The following ZNF74 variants were observed in gnomAD, a reference collection of about 807,000 sequenced individuals.
ZNF74 encodes the protein zinc finger protein 520.
ZNF74 carries 12 observed loss-of-function variants against 17.7 expected under a neutral mutation model. That is an observed-to-expected ratio of 0.68 (90% CI 0.43 to 1.10). The LOEUF (loss-of-function observed/expected upper bound fraction) is 1.10, where lower values mean the gene tolerates loss of function less well. Among genes scored for constraint, ZNF74 ranks in the 50% least tolerant of loss-of-function variants. The pLI, the probability that ZNF74 is intolerant of heterozygous loss-of-function variation, is 0.00. For missense variants in ZNF74, 811 were observed against 881.0 expected, an observed-to-expected ratio of 0.92 and a Z score of 1.01; for synonymous variants, 358 against 362.1, an observed-to-expected ratio of 0.99 and a Z score of 0.13.
chr22:20,394,278 G>A lies in ZNF74; in HGVS notation c.-351G>A, dbSNP rs2052264707. 1 of 706,370 alleles carries A rather than the reference G, an allele frequency of 1.4e-6. No homozygotes were observed. Among genetic ancestry groups the A allele is most frequent in the Non-Finnish European group, 2.6e-6 (1 of 381,638 alleles). 43.8% of individuals were successfully genotyped at this position (706,370 alleles called of 1,614,324 possible). A position where few individuals can be genotyped will look rare whatever the true frequency, so the allele number is the denominator to read the frequency against. On this transcript the variant is annotated 5_prime_UTR_variant, in exon 1 of 5. Coordinates refer to ENST00000400451, the MANE Select transcript of ZNF74 (RefSeq NM_003426.4). ...TCGGGACCTGTCCGCTGGTCGCTCC[G>A]CGTCCGATGGCTCCTGGCCGCGGAA...
chr22:20,395,153 A>G (rs1569090297), intron 1 of ZNF74, 180 bp from the exon 2 acceptor site: 2 of 566,518 alleles, frequency 3.5e-6, no homozygotes, highest in Non-Finnish European at 6.4e-6. Flanking sequence ...TGTCTGAGAC[A>G]CAGGCAGATT....
At chr22:20,398,119 G>T (rs2052315798) in intron 2 of ZNF74, among the ~76,000 whole-genome samples, 1 of 152,128 alleles carries the variant, frequency 6.6e-6, no homozygotes, top group Non-Finnish European at 1.5e-5. Context: ...AGGAGTTCAA[G>T]ACCAGCCGGC....
At chr22:20,400,916 G>A (rs1212145572) in intron 3 of ZNF74, 158 bp downstream of exon 3, 20 of 865,354 alleles carry the variant, frequency 2.3e-5, no homozygotes, top group African/African-American at 3.4e-5. Context: ...CAGGGGCCTC[G>A]GCCACGCCAG....
rs2052358435 is a variant in ZNF74 at position 20,401,620 on chromosome 22, G to A, written c.343+248G>A. 6.6e-6 allele frequency among the ~76,000 whole-genome samples: 1 copy of A among 152,196 alleles called. No homozygotes were observed. The highest frequency in any genetic ancestry group is 6.6e-5 in the Admixed American group (1 of 15,264). ...CAAATGGTCACCTGCTGATGGGGAT[G>A]GGGAGGCAGGAATAGAAATATTGAG... On this transcript the variant is annotated intron_variant, in intron 4 of 4. Transcript: ENST00000400451. The surrounding 1 kb of genome is among the most constrained non-coding windows in gnomAD (Gnocchi z 4.2).
chr22:20,400,182 A>G (rs180949661), intron 2 of ZNF74: 40 of 176,442 alleles, frequency 2.3e-4, no homozygotes, highest in African/African-American at 8.9e-4. Context: ...GTGTAATAAC[A>G]GTTTCTAGTC....
At position 20,405,497 on chromosome 22, in the gene ZNF74, C is replaced by G. The variant is rs200537789; in HGVS notation, c.464C>G (p.Ala155Gly). The G allele has an allele frequency of 1.2e-4, 193 of 1,607,214 alleles. 1 individual carries two copies. The South Asian group carries it at 2.0e-3, about 16-fold the overall frequency. ...GAQAWGRQAG[A>G]LQRSQAAPWA... ...CAGGCGTGGGGGCGCCAGGCAGGTG[C>G]TCTGCAGAGGAGTCAGGCTGCGCCC... Residue 155 changes from alanine (A) to glycine (G), a missense_variant, in exon 5 of 5, where the codon GCT becomes GGT. By Grantham distance (60) the Ala-to-Gly change is moderately conservative. This residue lies in a region of ZNF74 where 666 missense variants were observed against 702.3 expected (regional missense o/e 0.95). Transcript: ENST00000400451.
chr22:20,401,450 C>T lies in ZNF74; in HGVS notation c.343+78C>T. 1.0e-6 allele frequency: 1 copy of T among 971,598 alleles called. No homozygotes were observed. Among genetic ancestry groups the T allele is most frequent in the Non-Finnish European group, 1.6e-6 (1 of 635,880 alleles). 60.2% of individuals were successfully genotyped at this position (971,598 alleles called of 1,614,324 possible). On this transcript the variant is annotated intron_variant, in intron 4 of 4. Transcript: ENST00000400451. This position sits in a 1 kb window ranked among gnomAD's most constrained non-coding sequence, Gnocchi z 4.2. ...CTCCTCCTATGGCCCCTATTTTCCTCCCTCAGTTTGCCCCGGCTCCATCTC... is the reference window on the plus strand; with the variant it reads ...CTCCTCCTATGGCCCCTATTTTCCTTCCTCAGTTTGCCCCGGCTCCATCTC...
At chr22:20,395,055 C>T in intron 1 of ZNF74, 1 of 454,720 alleles carries the variant, frequency 2.2e-6, no homozygotes, top group Non-Finnish European at 3.9e-6. Flanking sequence ...TCCTGGCCTC[C>T]TGCTTCTTTC....
intron 2 of ZNF74, among the ~76,000 whole-genome samples, chr22:20,396,441 A>G (rs925817893): frequency 4.6e-5 from 7 of 152,260 alleles, no homozygotes; most frequent in African/African-American, 1.7e-4. Context: ...TATTGTATCA[A>G]TATGAAATTT....
In ZNF74 at chr22:20,401,337, G is replaced by T. The variant is rs1187378610; in HGVS notation, c.308G>T (p.Ser103Ile). The T allele has an allele frequency of 6.2e-6, 10 of 1,610,688 alleles. No homozygotes were observed. Among genetic ancestry groups the T allele is most frequent in the Non-Finnish European group, 7.6e-6 (9 of 1,178,534 alleles). The change falls in exon 4 of 5, where the codon AGC (serine) becomes ATC (isoleucine). Residue 103 changes from serine (S) to isoleucine (I), a missense_variant. This residue lies in a region of ZNF74 where 666 missense variants were observed against 702.3 expected (regional missense o/e 0.95). Coordinates refer to ENST00000400451, the MANE Select transcript of ZNF74 (RefSeq NM_003426.4). This position sits in a 1 kb window ranked among gnomAD's most constrained non-coding sequence, Gnocchi z 4.2. The stretch of plus-strand genomic sequence containing the variant: ...CTGGAACGAGGCGAGGAGCCATGGA[G>T]CATGCAGAGGGAAGTCCCCAGAGGG... ...SHLERGEEPW[S>I]MQREVPRGPC... is the part of the protein sequence containing the mutation.
chr22:20,400,862 T>C, intron 3 of ZNF74, 104 bp downstream of exon 3: 1 of 1,400,068 alleles, frequency 7.1e-7, no homozygotes, highest in Non-Finnish European at 9.8e-7. Context: ...GCCAGATATA[T>C]CATGGGGTGG....
At chr22:20,398,309 C>A in intron 2 of ZNF74, among the ~76,000 whole-genome samples, 1 of 129,920 alleles carries the variant, frequency 7.7e-6, no homozygotes, top group African/African-American at 3.0e-5. Flanking sequence ...AGAGTGAGAC[C>A]ATGTCTCAAA....
chr22:20,402,017 C>T (rs1293703749), intron 4 of ZNF74, among the ~76,000 whole-genome samples: 1 of 152,192 alleles, frequency 6.6e-6, no homozygotes, highest in Non-Finnish European at 1.5e-5. Flanking sequence ...TGCTTTTCTT[C>T]TCCAACATTC....
rs764525878 is a variant in ZNF74 at position 20,405,847 on chromosome 22, C to A, written c.814C>A (p.Arg272=). Residue 272 remains arginine, a synonymous_variant, in exon 5 of 5, where the codon CGG becomes AGG. Coordinates refer to ENST00000400451, the MANE Select transcript of ZNF74 (RefSeq NM_003426.4). ...SLTLHRRWHS[R]EKAYKCDECG... is the part of the protein sequence containing the mutation. ...CACGCTGCACCGGCGCTGGCACAGC[C>A]GGGAGAAGGCTTACAAGTGCGATGA... 6.2e-7 allele frequency: 1 copy of A among 1,613,094 alleles called. No individual in the cohort carries two copies. The highest frequency in any genetic ancestry group is 1.1e-5 in the South Asian group (1 of 91,056).
intron 1 of ZNF74, 97 bp downstream of exon 1, chr22:20,394,759 A>AACT: frequency 8.5e-7 from 1 of 1,178,024 alleles, no homozygotes; most frequent in Non-Finnish European, 1.2e-6. Flanking sequence ...AGCATCCAGC[A>AACT]TCTTTTTTTT....
chr22:20,399,559 G>A (rs1218912679), intron 2 of ZNF74: 1 of 396,944 alleles, frequency 2.5e-6, no homozygotes, highest in Admixed American at 3.3e-5. Flanking sequence ...AATATGGTTG[G>A]ATTTACATGT....
At chr22:20,403,770 G>A (rs570218095) in intron 4 of ZNF74, among the ~76,000 whole-genome samples, 8 of 151,338 alleles carry the variant, frequency 5.3e-5, no homozygotes, top group Non-Finnish European at 7.4e-5. Context: ...CTGTGTCCCC[G>A]CCCTCTGCTT....
chr22:20,399,163 T>A (rs1339898913), intron 2 of ZNF74, among the ~76,000 whole-genome samples: 2 of 152,218 alleles, frequency 1.3e-5, no homozygotes, highest in South Asian at 2.1e-4. Context: ...TAGAGTGTTA[T>A]GTAAATATCA....
At chr22:20,403,831 A>G (rs1243263924) in intron 4 of ZNF74, among the ~76,000 whole-genome samples, 1 of 150,506 alleles carries the variant, frequency 6.6e-6, no homozygotes, top group East Asian at 1.9e-4. Context: ...TCTGTGCAAA[A>G]GGCCTTTCTT....
Sources: allele counts gnomAD v4.1 joint callset (sites outside exome capture counted in the v4.1 genomes callset), GRCh38; gene constraint gnomAD v4.1.1; regional missense constraint gnomAD v4.1.1; non-coding constraint Gnocchi (gnomAD v3.1); transcripts MANE v1.5; gene names NCBI Gene and HGNC (gene_info 2026-07-23, HGNC 2026-07-21).